Variants in SLC39A11 observed in about 807,000 individuals in gnomAD.
The protein encoded by SLC39A11 is zinc transporter ZIP11.
In SLC39A11, 33 loss-of-function variants were observed where a neutral mutation model predicts 36.1. The observed-to-expected ratio is 0.91, with a 90% CI of 0.69 to 1.22. The LOEUF is 1.22. Among genes scored for constraint, SLC39A11 ranks in the 50% most tolerant of loss-of-function variants. The pLI, the probability that SLC39A11 is intolerant of heterozygous loss-of-function variation, is 0.00. For missense variants in SLC39A11, 432 were observed against 430.3 expected, an observed-to-expected ratio of 1.00 and a Z score of -0.03; for synonymous variants, 166 against 170.3, an observed-to-expected ratio of 0.97 and a Z score of 0.20.
intron 6 of SLC39A11, among the ~76,000 whole-genome samples, chr17:72,796,317 C>T (rs779419149): frequency 9.2e-5 from 14 of 152,170 alleles, no homozygotes; most frequent in Non-Finnish European, 1.3e-4. Context: ...TCCACACACT[C>T]CCATCAACAG....
intron 6 of SLC39A11, among the ~76,000 whole-genome samples, chr17:72,745,170 G>A (rs2074882433): frequency 6.6e-6 from 1 of 152,216 alleles, no homozygotes. Context: ...CAAATGTTGA[G>A]ACCACAGCAC....
At chr17:72,994,855 T>C (rs1472337162) in intron 4 of SLC39A11, among the ~76,000 whole-genome samples, 1 of 152,202 alleles carries the variant, frequency 6.6e-6, no homozygotes, top group Non-Finnish European at 1.5e-5. Flanking sequence ...GCTTTGAATA[T>C]ATTATATGTT....
At chr17:72,952,395 C>A (rs113041214) in intron 4 of SLC39A11, among the ~76,000 whole-genome samples, 12 of 152,276 alleles carry the variant, frequency 7.9e-5, no homozygotes, top group African/African-American at 2.9e-4. Context: ...GCGTCCCTGG[C>A]GGTGGGGGAA....
intron 6 of SLC39A11, among the ~76,000 whole-genome samples, chr17:72,847,747 T>C (rs568078173): frequency 1.8e-4 from 28 of 152,316 alleles, no homozygotes; most frequent in Admixed American, 1.5e-3. Flanking sequence ...TATCAAGTTA[T>C]ACAGAGGAAC....
intron 7 of SLC39A11, among the ~76,000 whole-genome samples, chr17:72,696,625 T>G (rs1285637745): frequency 6.6e-6 from 1 of 152,118 alleles, no homozygotes; most frequent in Non-Finnish European, 1.5e-5. Context: ...GGGCCCCCTA[T>G]CTCTCTGATT....
At chr17:72,873,721 T>C (rs1292219029) in intron 5 of SLC39A11, among the ~76,000 whole-genome samples, 5 of 152,176 alleles carry the variant, frequency 3.3e-5, no homozygotes, top group Non-Finnish European at 7.3e-5. Context: ...CCTTGGAATA[T>C]ATTCTGCCTT....
At chr17:72,947,620 G>A (rs781343905) in intron 5 of SLC39A11, 132 bp downstream of exon 5, 18 of 1,330,134 alleles carry the variant, frequency 1.4e-5, no homozygotes, top group Non-Finnish European at 1.9e-5. Context: ...AGTAGGGTGA[G>A]TGATTCGGAG....
At chr17:72,766,291 G>C (rs2075756362) in intron 6 of SLC39A11, among the ~76,000 whole-genome samples, 1 of 152,192 alleles carries the variant, frequency 6.6e-6, no homozygotes, top group Non-Finnish European at 1.5e-5. Context: ...TGGGTGGAAA[G>C]ACAATTAGTC....
At chr17:72,727,997 T>A (rs924540269) in intron 7 of SLC39A11, among the ~76,000 whole-genome samples, 5 of 152,206 alleles carry the variant, frequency 3.3e-5, no homozygotes, top group Non-Finnish European at 5.9e-5. Context: ...GTGGCTATAA[T>A]GCCACAGGCG....
intron 6 of SLC39A11, among the ~76,000 whole-genome samples, chr17:72,849,303 A>AC (rs2145989869): frequency 6.6e-6 from 1 of 152,304 alleles, no homozygotes; most frequent in African/African-American, 2.4e-5. Context: ...ATTAAGCAGA[A>AC]CCAGAGATAC....
At chr17:72,731,278 T>C (rs1009598917) in intron 7 of SLC39A11, among the ~76,000 whole-genome samples, 1 of 152,170 alleles carries the variant, frequency 6.6e-6, no homozygotes. Context: ...TGAACTGTCG[T>C]TTCTGTGTAG....
chr17:72,801,508 T>C (rs948988334), intron 6 of SLC39A11, among the ~76,000 whole-genome samples: 1 of 152,242 alleles, frequency 6.6e-6, no homozygotes, highest in Non-Finnish European at 1.5e-5. Flanking sequence ...ATTTCAGGCA[T>C]GAGCCACTGC....
intron 6 of SLC39A11, among the ~76,000 whole-genome samples, chr17:72,789,040 CTT>C (rs34275454): frequency 1.4e-5 from 2 of 144,004 alleles, no homozygotes; most frequent in Non-Finnish European, 1.5e-5. Context: ...AGGACAAAGG[CTT>C]TTTTTTTTTT....
intron 5 of SLC39A11, among the ~76,000 whole-genome samples, chr17:72,915,012 A>C (rs2083253920): frequency 6.6e-6 from 1 of 152,110 alleles, no homozygotes; most frequent in Admixed American, 6.5e-5. Context: ...TTTCATTGGG[A>C]AAAAATGGAT....
At chr17:72,810,270 G>C (rs1359684152) in intron 6 of SLC39A11, among the ~76,000 whole-genome samples, 1 of 152,124 alleles carries the variant, frequency 6.6e-6, no homozygotes, top group African/African-American at 2.4e-5. Flanking sequence ...AGAAAAATGA[G>C]TGTGTGTTCA....
At chr17:72,702,133 A>G (rs2072674131) in intron 7 of SLC39A11, among the ~76,000 whole-genome samples, 2 of 152,158 alleles carry the variant, frequency 1.3e-5, no homozygotes, top group Non-Finnish European at 2.9e-5. Flanking sequence ...AAGAACATAG[A>G]CATTTCTCAG....
chr17:72,974,934 AT>A (rs2087735155), intron 4 of SLC39A11, among the ~76,000 whole-genome samples: 1 of 152,246 alleles, frequency 6.6e-6, no homozygotes, highest in Non-Finnish European at 1.5e-5. Context: ...ACACAGTAAC[AT>A]ACTATACAGG....
chr17:72,652,824 A>G (rs2069912790), intron 7 of SLC39A11, among the ~76,000 whole-genome samples: 1 of 152,166 alleles, frequency 6.6e-6, no homozygotes, highest in East Asian at 1.9e-4. Context: ...GATTTTGGTG[A>G]GAACCACTGT....
chr17:72,720,061 C>T (rs1223461350), intron 7 of SLC39A11, among the ~76,000 whole-genome samples: 1 of 152,202 alleles, frequency 6.6e-6, no homozygotes, highest in African/African-American at 2.4e-5. Flanking sequence ...GCCGTCGACA[C>T]CCCTAGCACA....
Sources: allele counts gnomAD v4.1 joint callset (sites outside exome capture counted in the v4.1 genomes callset), GRCh38; gene constraint gnomAD v4.1.1; transcripts MANE v1.5; gene names NCBI Gene and HGNC (gene_info 2026-07-23, HGNC 2026-07-21).